Variants in RALYL observed in about 807,000 individuals in gnomAD.
The protein encoded by RALYL is RALY RNA binding protein like.
In RALYL, 29 loss-of-function variants were observed where a neutral mutation model predicts 35.1. That is an observed-to-expected ratio of 0.83 (90% CI 0.61 to 1.13). The LOEUF is 1.13. Among genes scored for constraint, RALYL ranks in the 50% most tolerant of loss-of-function variants. The pLI is 0.00. For synonymous variants in RALYL, 120 were observed against 127.6 expected (o/e 0.94, Z 0.40); for missense variants, 359 against 360.4 (o/e 1.00, Z 0.03).
chr8:84,733,328 T>C (rs1418630010), intron 2 of RALYL, among the ~76,000 whole-genome samples: 1 of 152,132 alleles, frequency 6.6e-6, no homozygotes, highest in Non-Finnish European at 1.5e-5. Context: ...CATCCACCTG[T>C]ACCATCTCCA....
intron 1 of RALYL, among the ~76,000 whole-genome samples, chr8:84,321,699 G>A (rs753706537): frequency 3.9e-5 from 6 of 152,030 alleles, no homozygotes; most frequent in South Asian, 2.1e-4. Flanking sequence ...ACAGAGCCAC[G>A]AAAAGACTGA....
chr8:84,433,952 T>A (rs2047430622), intron 1 of RALYL, among the ~76,000 whole-genome samples: 1 of 151,832 alleles, frequency 6.6e-6, no homozygotes, highest in Admixed American at 6.6e-5. Context: ...CCTCAATTGG[T>A]CAGCTTAATG....
intron 1 of RALYL, among the ~76,000 whole-genome samples, chr8:84,494,981 T>C (rs1262332503): frequency 6.6e-6 from 1 of 152,170 alleles, no homozygotes; most frequent in East Asian, 1.9e-4. Context: ...GTACCGGTTT[T>C]CAAAGGGAAT....
chr8:84,874,121 G>GTTAA (rs1256826625), intron 7 of RALYL, among the ~76,000 whole-genome samples: 1 of 152,162 alleles, frequency 6.6e-6, no homozygotes, highest in African/African-American at 2.4e-5. Context: ...CCTCCTTGGA[G>GTTAA]TTAAGATGGG....
intron 1 of RALYL, among the ~76,000 whole-genome samples, chr8:84,520,093 C>A (rs924028886): frequency 6.6e-6 from 1 of 152,182 alleles, no homozygotes; most frequent in Non-Finnish European, 1.5e-5. Context: ...TGGGTACTGA[C>A]CTTGACTGAT....
intron 1 of RALYL, among the ~76,000 whole-genome samples, chr8:84,273,890 G>A (rs1332442489): frequency 6.6e-6 from 1 of 152,184 alleles, no homozygotes; most frequent in East Asian, 1.9e-4. Flanking sequence ...AATTGTTACT[G>A]TCTGTTTTCT....
At chr8:84,427,272 C>T (rs879342668) in intron 1 of RALYL, among the ~76,000 whole-genome samples, 3 of 152,186 alleles carry the variant, frequency 2.0e-5, no homozygotes, top group Non-Finnish European at 2.9e-5. Context: ...TCCAGCTTCT[C>T]CCCTCAGGCC....
At position 84,921,153 on chromosome 8, in the gene RALYL, GTT is replaced by G; in HGVS notation, c.*251_*252del. ...ATGTGTTTTCCCCTTTGCTAATTAT[GTT>G]TTTTTTTTCAGTCTTAAAATGTGAA... On this transcript the variant is annotated 3_prime_UTR_variant, in exon 9 of 9. Transcript: ENST00000521268. 3.3e-6 allele frequency: 1 copy of G among 298,980 alleles called. No homozygotes were observed. 18.5% of individuals were successfully genotyped at this position (298,980 alleles called of 1,614,324 possible).
chr8:84,407,018 CTA>C (rs5892918), intron 1 of RALYL, among the ~76,000 whole-genome samples: 12,498 of 147,342 alleles, frequency 0.085, 686 homozygotes, highest in African/African-American at 0.16. Flanking sequence ...CTCTCTCTCT[CTA>C]TATATATATA....
At chr8:84,385,222 C>CT (rs1858921592) in intron 1 of RALYL, among the ~76,000 whole-genome samples, 1 of 151,706 alleles carries the variant, frequency 6.6e-6, no homozygotes, top group Admixed American at 6.6e-5. Flanking sequence ...AACTAAACTA[C>CT]TTTTACATTC....
At chr8:84,425,844 C>G (rs1471024911) in intron 1 of RALYL, among the ~76,000 whole-genome samples, 1 of 145,718 alleles carries the variant, frequency 6.9e-6, no homozygotes, top group East Asian at 2.0e-4. Flanking sequence ...GAAAGGTAGT[C>G]AGCTATTGAT....
chr8:84,298,340 T>G (rs1165777102), intron 1 of RALYL, among the ~76,000 whole-genome samples: 1 of 152,024 alleles, frequency 6.6e-6, no homozygotes, highest in South Asian at 2.1e-4. Context: ...GATCAGATGG[T>G]TTTAGGTGTG....
intron 1 of RALYL, among the ~76,000 whole-genome samples, chr8:84,237,194 T>G (rs961546736): frequency 6.0e-4 from 91 of 152,152 alleles, no homozygotes; most frequent in African/African-American, 2.2e-3. Context: ...CTGGAACCAG[T>G]GTAGGCAGAG....
chr8:84,389,888 G>A (rs1860206246), intron 1 of RALYL, among the ~76,000 whole-genome samples: 1 of 151,416 alleles, frequency 6.6e-6, no homozygotes, highest in African/African-American at 2.4e-5. Context: ...ATGTTGAATA[G>A]GAGTGGTGAG....
rs372485261 is a variant in RALYL, at chr8:84,656,211, C to T, written c.257-118368C>T. 2.0e-5 allele frequency among the ~76,000 whole-genome samples: 3 copies of T among 152,170 alleles called. No homozygotes were observed. The East Asian group carries it at 5.8e-4, about 29-fold the overall frequency. On this transcript the variant is annotated intron_variant, in intron 2 of 8. Coordinates refer to ENST00000521268, the MANE Select transcript of RALYL (RefSeq NM_173848.7). ...CTGATTGAGGGCACAGCTCAATTTC[C>T]TTTTAGTTATACCATGTGTCTTTGT...
intron 3 of RALYL, among the ~76,000 whole-genome samples, chr8:84,784,064 GACT>G (rs113192381): frequency 0.034 from 5,149 of 152,220 alleles, 309 homozygotes; most frequent in African/African-American, 0.12. Context: ...TTTAAGGACT[GACT>G]ACTGAAGATT....
At chr8:84,472,776 G>A (rs1340126054) in intron 1 of RALYL, among the ~76,000 whole-genome samples, 2 of 152,016 alleles carry the variant, frequency 1.3e-5, no homozygotes, top group African/African-American at 4.8e-5. Flanking sequence ...AAATGTTTTT[G>A]ACTTAACAGT....
chr8:84,900,613 A>T (rs1167388534), intron 8 of RALYL, among the ~76,000 whole-genome samples: 1 of 152,020 alleles, frequency 6.6e-6, no homozygotes, highest in Non-Finnish European at 1.5e-5. Flanking sequence ...CGGGAGGCAG[A>T]GGTTGTGGTG....
At chr8:84,834,791 G>T (rs1191436976) in intron 4 of RALYL, among the ~76,000 whole-genome samples, 1 of 152,148 alleles carries the variant, frequency 6.6e-6, no homozygotes, top group Non-Finnish European at 1.5e-5. Flanking sequence ...AAATTTGAAT[G>T]AAAACACTTT....
Sources: gnomAD v4.1 joint callset for allele counts (sites outside exome capture counted in the v4.1 genomes callset) on GRCh38, gnomAD v4.1.1 for gene constraint, MANE v1.5 for transcripts, NCBI Gene and HGNC (gene_info 2026-07-23, HGNC 2026-07-21) for gene names.